Variants in FOXP2 observed in about 807,000 individuals in gnomAD.
The protein encoded by FOXP2 is forkhead box P2, also known as forkhead box protein P2.
In FOXP2, 12 loss-of-function variants were observed where a neutral mutation model predicts 115.8. That is an observed-to-expected ratio of 0.10 (90% CI 0.07 to 0.17). FOXP2 has a LOEUF of 0.17. Ranked by LOEUF, FOXP2 falls within the 10% of genes least tolerant of loss-of-function variation. FOXP2 has a pLI of 1.00. For missense variants in FOXP2, 629 were observed against 843.5 expected, an observed-to-expected ratio of 0.75 and a Z score of 3.15; for synonymous variants, 328 against 297.7, an observed-to-expected ratio of 1.10 and a Z score of -1.05.
chr7:114,229,277 T>A (rs1250902765), intron 1 of FOXP2, among the ~76,000 whole-genome samples: 1 of 151,356 alleles, frequency 6.6e-6, no homozygotes, highest in African/African-American at 2.4e-5. Context: ...GATGCAAACA[T>A]TGCCAGAACT....
At chr7:114,308,638 A>G (rs948520191) in intron 2 of FOXP2, among the ~76,000 whole-genome samples, 2 of 152,208 alleles carry the variant, frequency 1.3e-5, no homozygotes, top group Non-Finnish European at 2.9e-5. Context: ...GGATACTGTT[A>G]CCAGTCTTCT....
At chr7:114,577,726 C>A (rs1023004222) in intron 3 of FOXP2, among the ~76,000 whole-genome samples, 1 of 151,744 alleles carries the variant, frequency 6.6e-6, no homozygotes, top group Non-Finnish European at 1.5e-5. Context: ...CTAGTTATAA[C>A]GTTATACTTC....
intron 2 of FOXP2, among the ~76,000 whole-genome samples, chr7:114,299,966 C>A (rs892012292): frequency 1.1e-4 from 17 of 152,118 alleles, no homozygotes; most frequent in African/African-American, 3.9e-4. Context: ...ATATTCCTTG[C>A]AATTTCTGTG....
At chr7:114,259,283 G>A (rs1043705996) in intron 1 of FOXP2, among the ~76,000 whole-genome samples, 1 of 152,180 alleles carries the variant, frequency 6.6e-6, no homozygotes, top group African/African-American at 2.4e-5. Flanking sequence ...TTATAAAAAG[G>A]ATAATTATTC....
At chr7:114,136,692 A>C (rs982043103) in intron 1 of FOXP2, among the ~76,000 whole-genome samples, 13 of 151,934 alleles carry the variant, frequency 8.6e-5, no homozygotes, top group Non-Finnish European at 2.9e-5. Context: ...CAGAAAAAAA[A>C]AAGATCATTT....
At chr7:114,527,625 TG>T (rs1798940297) in intron 2 of FOXP2, among the ~76,000 whole-genome samples, 4 of 152,196 alleles carry the variant, frequency 2.6e-5, no homozygotes, top group African/African-American at 9.6e-5. Flanking sequence ...TTATATTTAC[TG>T]TCTACTAAAG....
chr7:114,261,913 C>G (rs1795762781), intron 1 of FOXP2, among the ~76,000 whole-genome samples: 1 of 151,930 alleles, frequency 6.6e-6, no homozygotes, highest in Non-Finnish European at 1.5e-5. Context: ...CAAAAATTAG[C>G]TGGGCGTGGT....
chr7:114,137,883 G>A (rs1349547586), intron 1 of FOXP2, among the ~76,000 whole-genome samples: 2 of 151,898 alleles, frequency 1.3e-5, no homozygotes, highest in African/African-American at 4.8e-5. Context: ...CAACTGAGAG[G>A]GCCTAGAAGC....
intron 6 of FOXP2, among the ~76,000 whole-genome samples, chr7:114,633,005 T>C (rs1350344317): frequency 6.6e-6 from 1 of 152,104 alleles, no homozygotes; most frequent in Non-Finnish European, 1.5e-5. Context: ...AGTGTAAACA[T>C]GGATTTCTTC....
chr7:114,668,067 A>G (rs1327172024), intron 16 of FOXP2: 3 of 152,102 alleles, frequency 2.0e-5, no homozygotes, highest in African/African-American at 7.2e-5. Context: ...GGACACAAGA[A>G]GCAGGTTCAA....
intron 3 of FOXP2, among the ~76,000 whole-genome samples, chr7:114,564,050 T>C (rs1312050203): frequency 6.6e-6 from 1 of 152,106 alleles, no homozygotes; most frequent in Admixed American, 6.6e-5. Context: ...ACCCTCATGC[T>C]TTCTACTTGT....
At chr7:114,404,421 G>A (rs1004218150) in intron 2 of FOXP2, among the ~76,000 whole-genome samples, 2 of 152,120 alleles carry the variant, frequency 1.3e-5, no homozygotes, top group African/African-American at 4.8e-5. Context: ...ACTTTATTGA[G>A]CATGATCAGA....
intron 3 of FOXP2, among the ~76,000 whole-genome samples, chr7:114,627,925 C>T (rs530245568): frequency 7.2e-5 from 11 of 151,882 alleles, no homozygotes; most frequent in South Asian, 2.1e-4. Flanking sequence ...GATATACACA[C>T]AGACACACAC....
chr7:114,389,060 C>T (rs893758636), intron 2 of FOXP2, among the ~76,000 whole-genome samples: 2 of 152,180 alleles, frequency 1.3e-5, no homozygotes, highest in African/African-American at 4.8e-5. Flanking sequence ...TTAAGCCAAA[C>T]GTATTGTACT....
intron 2 of FOXP2, among the ~76,000 whole-genome samples, chr7:114,334,636 A>G (rs1253926312): frequency 1.0e-5 from 1 of 98,068 alleles, no homozygotes; most frequent in African/African-American, 3.0e-5. Context: ...AAAAAAAAAG[A>G]AGAAGGAAAA....
In FOXP2 at chr7:114,380,026, T is replaced by C. The variant is rs111395984; in HGVS notation, c.-10-46476T>C. Among the ~76,000 whole-genome samples the C allele has an allele frequency of 4.8e-3, 734 of 152,298 alleles. 3 individuals carry two copies. Among genetic ancestry groups the C allele is most frequent in the Non-Finnish European group, 7.3e-3 (499 of 68,030 alleles). ...GTTTCCCAGAGGGGGTTACCCCATATTAGGGGTCCTTCTATAAGCATTTCT... is the reference window on the plus strand; with the variant it reads ...GTTTCCCAGAGGGGGTTACCCCATACTAGGGGTCCTTCTATAAGCATTTCT... On this transcript the variant is annotated intron_variant, in intron 2 of 17. Coordinates refer to the FOXP2 transcript ENST00000634411.
chr7:114,170,097 C>A (rs938162248), intron 1 of FOXP2, among the ~76,000 whole-genome samples: 1 of 152,154 alleles, frequency 6.6e-6, no homozygotes, highest in African/African-American at 2.4e-5. Context: ...AATGTGATCA[C>A]TTTGTGTCTG....
chr7:114,165,409 G>T (rs1215681188), intron 1 of FOXP2, among the ~76,000 whole-genome samples: 1 of 152,138 alleles, frequency 6.6e-6, no homozygotes. Flanking sequence ...ATAAACTCCT[G>T]AAACTAATGA....
chr7:114,288,474 A>G (rs1158571187), intron 2 of FOXP2, among the ~76,000 whole-genome samples: 2 of 151,786 alleles, frequency 1.3e-5, no homozygotes, highest in East Asian at 3.9e-4. Context: ...TGGTCTTTTC[A>G]GTATTATTTT....
Sources: allele counts gnomAD v4.1 joint callset (sites outside exome capture counted in the v4.1 genomes callset), GRCh38; gene constraint gnomAD v4.1.1; transcripts MANE v1.5; gene names NCBI Gene and HGNC (gene_info 2026-07-23, HGNC 2026-07-21).